CNTNAP2: variants seen among roughly 807,000 people sequenced by gnomAD.
The protein encoded by CNTNAP2 is contactin-associated protein-like 2.
Under a neutral mutation model 155.2 loss-of-function variants are expected in CNTNAP2, and 98 were observed. That is an observed-to-expected ratio of 0.63 (90% CI 0.54 to 0.75). The LOEUF is 0.75. Among genes scored for constraint, CNTNAP2 ranks in the 30% least tolerant of loss-of-function variants. The probability of loss-of-function intolerance (pLI) is 0.00; values close to 1 mark genes in which losing one functional copy is unlikely to be tolerated. For missense variants in CNTNAP2, 1,727 were observed against 1,688.1 expected (o/e 1.02, Z -0.40); for synonymous variants, 651 against 631.2 (o/e 1.03, Z -0.47).
intron 8 of CNTNAP2, among the ~76,000 whole-genome samples, chr7:147,145,212 A>C (rs1466066142): frequency 1.3e-5 from 2 of 152,182 alleles, no homozygotes; most frequent in Non-Finnish European, 2.9e-5. Flanking sequence ...CAAATAATGC[A>C]GGCAAGTAAG....
intron 3 of CNTNAP2, among the ~76,000 whole-genome samples, chr7:146,951,510 T>C (rs1173517473): frequency 6.6e-6 from 1 of 152,182 alleles, no homozygotes; most frequent in Non-Finnish European, 1.5e-5. Context: ...GTTTTCTGCA[T>C]ATGGCTAGCT....
At chr7:147,623,182 G>A (rs10274444) in intron 12 of CNTNAP2, among the ~76,000 whole-genome samples, 2 of 151,876 alleles carry the variant, frequency 1.3e-5, no homozygotes, top group Non-Finnish European at 2.9e-5. Flanking sequence ...GCCTTTCCTC[G>A]AAGATCTGGA....
At chr7:148,195,949 G>A (rs553460327) in intron 18 of CNTNAP2, among the ~76,000 whole-genome samples, 11 of 152,232 alleles carry the variant, frequency 7.2e-5, no homozygotes, top group Middle Eastern at 3.4e-3. Context: ...GCATTCTACT[G>A]ACCTGCAAAA....
At chr7:147,320,124 T>C (rs1026628611) in intron 9 of CNTNAP2, among the ~76,000 whole-genome samples, 1 of 152,214 alleles carries the variant, frequency 6.6e-6, no homozygotes, top group African/African-American at 2.4e-5. Flanking sequence ...CCACCATCTT[T>C]AGTACATTGT....
intron 8 of CNTNAP2, among the ~76,000 whole-genome samples, chr7:147,260,653 G>A (rs1804441108): frequency 6.6e-6 from 1 of 152,116 alleles, no homozygotes; most frequent in Non-Finnish European, 1.5e-5. Flanking sequence ...AGGGAATATG[G>A]AATTCTGTGA....
chr7:147,908,359 C>T (rs1399725761), intron 14 of CNTNAP2, among the ~76,000 whole-genome samples: 1 of 152,172 alleles, frequency 6.6e-6, no homozygotes, highest in African/African-American at 2.4e-5. Context: ...TACCAGGAAG[C>T]CCCTGCTTCT....
Position 147,693,169 on chromosome 7 carries a change from T to G in CNTNAP2, c.2098+53863T>G, listed in dbSNP as rs1317252139. Among the ~76,000 whole-genome samples, 5 of 152,214 alleles carry G rather than the reference T, an allele frequency of 3.3e-5. No homozygotes were observed. The East Asian group carries it at 9.6e-4, about 29-fold the overall frequency. On this transcript the variant is annotated intron_variant, in intron 13 of 23. Transcript: ENST00000361727. ...GATCACTTGGCTATATTTACACAGATGTATTCCTGGGTTCTTTGTTCTGTT... is the reference window on the plus strand; with the variant it reads ...GATCACTTGGCTATATTTACACAGAGGTATTCCTGGGTTCTTTGTTCTGTT...
In CNTNAP2 at chr7:147,601,932, C is replaced by T. The variant is rs115466927; in HGVS notation, c.1898-37174C>T. 7.2e-3 allele frequency among the ~76,000 whole-genome samples: 1,089 copies of T among 151,916 alleles called. 14 individuals carry two copies. Among genetic ancestry groups the T allele is most frequent in the African/African-American group, 0.025 (1,035 of 41,442 alleles). Reference sequence around the variant, plus strand: ...TATTTGTAAAAGAAAGTAAGTCTTCCGCCTGTGGTGTTTCCTACAGTCTTG... The same window carrying T: ...TATTTGTAAAAGAAAGTAAGTCTTCTGCCTGTGGTGTTTCCTACAGTCTTG... On this transcript the variant is annotated intron_variant, in intron 12 of 23. Coordinates refer to ENST00000361727, the MANE Select transcript of CNTNAP2 (RefSeq NM_014141.6).
intron 3 of CNTNAP2, among the ~76,000 whole-genome samples, chr7:147,014,617 C>A (rs902479349): frequency 3.9e-5 from 6 of 152,034 alleles, no homozygotes; most frequent in Non-Finnish European, 8.8e-5. Flanking sequence ...AATCCGAAAG[C>A]CTGCTTTGCT....
chr7:148,316,974 G>T (rs1291826457), intron 21 of CNTNAP2, among the ~76,000 whole-genome samples: 1 of 152,184 alleles, frequency 6.6e-6, no homozygotes, highest in East Asian at 1.9e-4. Flanking sequence ...GCCCCACGGG[G>T]TCATTAAAAA....
intron 15 of CNTNAP2, among the ~76,000 whole-genome samples, chr7:147,984,969 G>T (rs1246028483): frequency 2.0e-5 from 3 of 151,910 alleles, no homozygotes; most frequent in African/African-American, 4.8e-5. Context: ...ACAAAAATCA[G>T]CTGCGCATGT....
At chr7:146,226,941 GA>G (rs1799302111) in intron 1 of CNTNAP2, among the ~76,000 whole-genome samples, 1 of 152,052 alleles carries the variant, frequency 6.6e-6, no homozygotes, top group Middle Eastern at 3.4e-3. Flanking sequence ...ACTTTTGAAA[GA>G]AAAAATAGTC....
Position 147,692,512 on chromosome 7 carries a change from G to A in CNTNAP2, c.2098+53206G>A, listed in dbSNP as rs1450719205. Among the ~76,000 whole-genome samples, 5 of 152,156 alleles carry A rather than the reference G, an allele frequency of 3.3e-5. No homozygotes were observed. The East Asian group carries it at 7.7e-4, about 23-fold the overall frequency. On this transcript the variant is annotated intron_variant, in intron 13 of 23. Coordinates refer to ENST00000361727, the MANE Select transcript of CNTNAP2 (RefSeq NM_014141.6). The stretch of plus-strand genomic sequence containing the variant: ...CTGTCATTGCTTCACATTCTTGGCA[G>A]CATTTCGTGTTGTCAGTGTTGCAGA...
At chr7:147,376,163 TAAAC>T (rs1796430234) in intron 9 of CNTNAP2, among the ~76,000 whole-genome samples, 1 of 152,214 alleles carries the variant, frequency 6.6e-6, no homozygotes, top group East Asian at 1.9e-4. Flanking sequence ...GATTCATCAT[TAAAC>T]ATACATGTTT....
intron 13 of CNTNAP2, among the ~76,000 whole-genome samples, chr7:147,650,753 G>T (rs1315026497): frequency 1.3e-5 from 2 of 152,020 alleles, no homozygotes; most frequent in African/African-American, 4.8e-5. Context: ...AATTTTTACT[G>T]CACAGGGGGT....
At chr7:148,401,084 T>A (rs1426276657) in intron 22 of CNTNAP2, among the ~76,000 whole-genome samples, 4 of 152,182 alleles carry the variant, frequency 2.6e-5, no homozygotes, top group Non-Finnish European at 5.9e-5. Flanking sequence ...TCCCGAATAT[T>A]TTTGATCTGA....
In CNTNAP2 at chr7:146,796,831, A is replaced by C. The variant is rs771569508; in HGVS notation, c.208+22450A>C. Among the ~76,000 whole-genome samples, 3 of 152,050 alleles carry C rather than the reference A, an allele frequency of 2.0e-5. 1 individual carries two copies. The highest frequency in any genetic ancestry group is 7.2e-5 in the African/African-American group (3 of 41,424). ...TCAAGCAGAGCTCAGAGGCAAGTGAAGCACTCATTAAGAAAACATTCTTGG... is the reference window on the plus strand; with the variant it reads ...TCAAGCAGAGCTCAGAGGCAAGTGACGCACTCATTAAGAAAACATTCTTGG... On this transcript the variant is annotated intron_variant, in intron 2 of 23. Coordinates refer to ENST00000361727, the MANE Select transcript of CNTNAP2 (RefSeq NM_014141.6).
At chr7:147,397,756 C>T (rs1322483349) in intron 10 of CNTNAP2, among the ~76,000 whole-genome samples, 1 of 145,910 alleles carries the variant, frequency 6.9e-6, no homozygotes, top group Non-Finnish European at 1.5e-5. Flanking sequence ...TTCACAGATA[C>T]AGAGATACAC....
intron 14 of CNTNAP2, among the ~76,000 whole-genome samples, chr7:147,958,320 A>C (rs1320953433): frequency 6.6e-6 from 1 of 152,160 alleles, no homozygotes; most frequent in African/African-American, 2.4e-5. Context: ...TGAAAATACA[A>C]ATTGCTTATT....
Sources: allele counts gnomAD v4.1 joint callset (sites outside exome capture counted in the v4.1 genomes callset), GRCh38; gene constraint gnomAD v4.1.1; transcripts MANE v1.5; gene names NCBI Gene and HGNC (gene_info 2026-07-23, HGNC 2026-07-21).